The following INTU variants were observed in gnomAD, a reference collection of about 807,000 sequenced individuals.
INTU encodes inturned planar cell polarity protein.
INTU carries 68 observed loss-of-function variants against 100.5 expected under a neutral mutation model. The ratio of observed to expected loss-of-function variants is 0.68; its 90% CI spans 0.56 to 0.83. The LOEUF is 0.83. Among genes scored for constraint, INTU ranks in the 40% least tolerant of loss-of-function variants. The probability of loss-of-function intolerance (pLI) is 0.00; values close to 1 mark genes in which losing one functional copy is unlikely to be tolerated. For synonymous variants in INTU, 357 were observed against 395.7 expected (o/e 0.90, Z 1.16); for missense variants, 1,071 against 1,114.7 (o/e 0.96, Z 0.56).
chr4:127,693,561 TA>T (rs1730249670), intron 8 of INTU, among the ~76,000 whole-genome samples: 2 of 152,190 alleles, frequency 1.3e-5, no homozygotes, highest in African/African-American at 2.4e-5. Context: ...GGATGCCCTT[TA>T]TTTTTTTATC....
At chr4:127,640,434 C>CT (rs1264418850) in intron 1 of INTU, among the ~76,000 whole-genome samples, 2 of 150,526 alleles carry the variant, frequency 1.3e-5, no homozygotes, top group Non-Finnish European at 3.0e-5. Context: ...TAAAAAGTGT[C>CT]TTTCTCTTCT....
chr4:127,659,172 A>G (rs920706014), intron 3 of INTU, among the ~76,000 whole-genome samples: 1 of 152,154 alleles, frequency 6.6e-6, no homozygotes, highest in African/African-American at 2.4e-5. Context: ...ACCTCCTGCT[A>G]TGCCACCTGG....
In INTU at chr4:127,687,788, A is replaced by C. The variant is rs1729895179; in HGVS notation, c.1370A>C (p.Gln457Pro). 1.2e-6 allele frequency: 2 copies of C among 1,613,638 alleles called. No individual in the cohort carries two copies. The highest frequency in any genetic ancestry group is 1.7e-6 in the Non-Finnish European group (2 of 1,179,710). The change falls in exon 8 of 16, where the codon CAG becomes CCG. Residue 457 changes from glutamine to proline, a missense_variant. Gln to Pro is a moderately conservative substitution (Grantham distance 76). Transcript: ENST00000335251. Reference sequence around the variant, plus strand: ...CATTCCAGCGCCAGTCCCAGTGCTCAGCAGTACGATGCTTCCAGTGCAGTA... The same window carrying C: ...CATTCCAGCGCCAGTCCCAGTGCTCCGCAGTACGATGCTTCCAGTGCAGTA... ...KLHSSASPSA[Q>P]QYDASSAVLL...
Position 127,725,491 on chromosome 4 carries a change from ACTT to A in INTU, c.*9058_*9060del, listed in dbSNP as rs1300499449. On this transcript the variant is annotated 3_prime_UTR_variant, in exon 16 of 16. Coordinates refer to ENST00000335251, the MANE Select transcript of INTU (RefSeq NM_015693.4). ...TATGTCCCTGAAAATACCATGAACT[ACTT>A]CTAATACTGATAATTATGAATAAAC... 2 of 152,288 alleles carry A rather than the reference ACTT, an allele frequency of 1.3e-5. No homozygotes were observed. The highest frequency in any genetic ancestry group is 3.9e-4 in the East Asian group (2 of 5,188). The allele number at this position is 152,288 out of a possible 1,614,324, so 9.4% of individuals were successfully genotyped here. A position where few individuals can be genotyped will look rare whatever the true frequency, so the allele number is the denominator to read the frequency against.
chr4:127,708,560 A>C lies in INTU; in HGVS notation c.2272-11A>C. 1.4e-6 allele frequency: 2 copies of C among 1,439,138 alleles called. No individual in the cohort carries two copies. Among genetic ancestry groups the C allele is most frequent in the Non-Finnish European group, 1.9e-6 (2 of 1,031,498 alleles). 89.1% of individuals were successfully genotyped at this position (1,439,138 alleles called of 1,614,324 possible). On this transcript the variant is annotated splice_polypyrimidine_tract_variant and intron_variant, in intron 12 of 15. Coordinates refer to ENST00000335251, the MANE Select transcript of INTU (RefSeq NM_015693.4). ...TAGATATAAACTGATCTACTTAACTATATTTTTCAGGTCACTAAAAAGAAG... is the reference window on the plus strand; with the variant it reads ...TAGATATAAACTGATCTACTTAACTCTATTTTTCAGGTCACTAAAAAGAAG...
intron 2 of INTU, among the ~76,000 whole-genome samples, chr4:127,655,597 C>G (rs570660284): frequency 1.1e-4 from 17 of 151,472 alleles, no homozygotes; most frequent in Non-Finnish European, 2.9e-5. Flanking sequence ...TCTCCAGCTG[C>G]GTGCTGGGAG....
chr4:127,652,028 A>G (rs1372980574), intron 2 of INTU, among the ~76,000 whole-genome samples: 3 of 145,486 alleles, frequency 2.1e-5, no homozygotes, highest in Admixed American at 6.8e-5. Flanking sequence ...TTTGTCTGTT[A>G]TTGGTGTATA....
chr4:127,661,724 C>T (rs1728485620), intron 3 of INTU, among the ~76,000 whole-genome samples: 1 of 152,144 alleles, frequency 6.6e-6, no homozygotes, highest in South Asian at 2.1e-4. Context: ...CCAGGGAACA[C>T]CACCAAAGTC....
chr4:127,664,118 A>G (rs1405681434), intron 4 of INTU, among the ~76,000 whole-genome samples: 1 of 152,178 alleles, frequency 6.6e-6, no homozygotes, highest in East Asian at 1.9e-4. Flanking sequence ...ACTTTCTTCC[A>G]TAGGTTGTAA....
At position 127,668,941 on chromosome 4, in the gene INTU, T is replaced by G. The variant is rs982075265; in HGVS notation, c.973-95T>G. 4 of 566,910 alleles carry G rather than the reference T, an allele frequency of 7.1e-6. No homozygotes were observed. The African/African-American group carries it at 7.7e-5, about 11-fold the overall frequency. The allele number at this position is 566,910 out of a possible 1,614,324, so 35.1% of individuals were successfully genotyped here. A position where few individuals can be genotyped will look rare whatever the true frequency, so the allele number is the denominator to read the frequency against. ...CTCCCACTGAAGCTGAAAGGATTCA[T>G]TTTTTGTTCTTTTCTTAACACAAAG... On this transcript the variant is annotated intron_variant, in intron 4 of 15. Transcript: ENST00000335251.
chr4:127,661,333 C>T (rs1728466836), intron 3 of INTU, among the ~76,000 whole-genome samples: 1 of 152,108 alleles, frequency 6.6e-6, no homozygotes, highest in Non-Finnish European at 1.5e-5. Flanking sequence ...ATTTTTGAGT[C>T]TATTTTTGGT....
chr4:127,699,238 G>GTA (rs1163926970), intron 8 of INTU: 1 of 152,164 alleles, frequency 6.6e-6, no homozygotes. Flanking sequence ...GTTTTCATTT[G>GTA]TATATATATT....
chr4:127,649,769 T>A (rs1727755131), intron 2 of INTU, among the ~76,000 whole-genome samples: 1 of 152,198 alleles, frequency 6.6e-6, no homozygotes, highest in African/African-American at 2.4e-5. Flanking sequence ...TCTTTGTCTC[T>A]AGTGCTTAGA....
intron 2 of INTU, among the ~76,000 whole-genome samples, chr4:127,653,682 A>G (rs1261509941): frequency 2.7e-5 from 4 of 149,396 alleles, no homozygotes; most frequent in African/African-American, 9.9e-5. Flanking sequence ...GTGGTGCTGA[A>G]AAAAATGTAT....
intron 1 of INTU, among the ~76,000 whole-genome samples, chr4:127,638,105 A>G (rs762977987): frequency 1.3e-5 from 2 of 152,240 alleles, no homozygotes; most frequent in Non-Finnish European, 2.9e-5. Flanking sequence ...TGAAAATCAG[A>G]TATTGTTGGT....
intron 9 of INTU, among the ~76,000 whole-genome samples, chr4:127,702,963 C>G (rs143808156): frequency 1.2e-3 from 177 of 152,242 alleles, no homozygotes; most frequent in African/African-American, 4.1e-3. Flanking sequence ...GCATCCCTGC[C>G]CTGTTCAGCC....
Position 127,687,940 on chromosome 4 carries a change from G to A in INTU, c.1449+73G>A, listed in dbSNP as rs140965887. 5.4e-4 allele frequency: 564 copies of A among 1,051,714 alleles called. 2 individuals carry two copies. In the African/African-American group the frequency reaches 7.8e-3, roughly 15 times the overall value. The allele number at this position is 1,051,714 out of a possible 1,614,324, so 65.1% of individuals were successfully genotyped here. A position where few individuals can be genotyped will look rare whatever the true frequency, so the allele number is the denominator to read the frequency against. On this transcript the variant is annotated intron_variant, in intron 8 of 15. Coordinates refer to ENST00000335251, the MANE Select transcript of INTU (RefSeq NM_015693.4). ...TAATCTTGTATCTTCTCTTTTTTTC[G>A]TAGACTTTTTGTTATTTTTGGAATT...
chr4:127,649,858 CTAA>C (rs2126184514), intron 2 of INTU, among the ~76,000 whole-genome samples: 2 of 152,072 alleles, frequency 1.3e-5, no homozygotes, highest in African/African-American at 4.8e-5. Context: ...CATCAATTTC[CTAA>C]TAATATATTT....
intron 6 of INTU, among the ~76,000 whole-genome samples, chr4:127,679,281 C>G (rs1272150854): frequency 6.6e-6 from 1 of 152,168 alleles, no homozygotes; most frequent in African/African-American, 2.4e-5. Context: ...ACTCTCGACC[C>G]CAAATCAACA....
Sources: gnomAD v4.1 joint callset for allele counts (sites outside exome capture counted in the v4.1 genomes callset) on GRCh38, gnomAD v4.1.1 for gene constraint, MANE v1.5 for transcripts, NCBI Gene and HGNC (gene_info 2026-07-23, HGNC 2026-07-21) for gene names.